Variants in TMC5 observed in about 807,000 individuals in gnomAD.
TMC5 encodes transmembrane channel like 5, also known as transmembrane channel-like protein 5.
A neutral mutation model predicts 110.5 loss-of-function variants in TMC5; 86 were observed. The ratio of observed to expected loss-of-function variants is 0.78; its 90% CI spans 0.65 to 0.93. The LOEUF is 0.93. Among genes scored for constraint, TMC5 ranks in the 40% least tolerant of loss-of-function variants. The probability of loss-of-function intolerance (pLI) is 0.00; values close to 1 mark genes in which losing one functional copy is unlikely to be tolerated. For missense variants in TMC5, 1,144 were observed against 1,222.8 expected (o/e 0.94, Z 0.96); for synonymous variants, 455 against 439.5 (o/e 1.04, Z -0.44).
Position 19,487,250 on chromosome 16 carries a change from A to G in TMC5, c.2497A>G (p.Met833Val), listed in dbSNP as rs777143609. The part of the protein sequence containing the change: ...PSKAWRASQM[M>V]TFFIFLLFFP... ...CAAAGCCTGGCGGGCCTCACAGATG[A>G]TGACTTTCTTCATCTTCTTGCTCTT... Residue 833 changes from methionine (M) to valine (V), a missense_variant, in exon 17 of 22, where the codon ATG becomes GTG. Physicochemically the swap from Met to Val is conservative, Grantham distance 21 (BLOSUM62 1). Transcript: ENST00000542583. The G allele has an allele frequency of 9.3e-6, 15 of 1,614,106 alleles. No individual in the cohort carries two copies. In the South Asian group the frequency reaches 1.6e-4, roughly 18 times the overall value.
At chr16:19,432,123 G>A (rs1291275625) in intron 2 of TMC5, among the ~76,000 whole-genome samples, 1 of 152,264 alleles carries the variant, frequency 6.6e-6, no homozygotes, top group East Asian at 1.9e-4. Flanking sequence ...CAGGTAAATA[G>A]CTTGACTGTG....
chr16:19,467,342 G>A (rs1049183179), intron 9 of TMC5, among the ~76,000 whole-genome samples: 1 of 151,954 alleles, frequency 6.6e-6, no homozygotes. Flanking sequence ...GCTTGTAGAC[G>A]GCCACTGTCT....
chr16:19,491,069 G>A (rs1015457490), intron 18 of TMC5, among the ~76,000 whole-genome samples: 6 of 150,412 alleles, frequency 4.0e-5, no homozygotes, highest in Non-Finnish European at 5.9e-5. Flanking sequence ...AGACTGTAGC[G>A]GCATGGTCAT....
At chr16:19,453,679 G>A (rs1967800161) in intron 5 of TMC5, among the ~76,000 whole-genome samples, 1 of 151,934 alleles carries the variant, frequency 6.6e-6, no homozygotes, top group African/African-American at 2.4e-5. Context: ...GAGATGGGAA[G>A]ATCCCTTGGG....
Position 19,440,072 on chromosome 16 carries a change from G to A in TMC5, c.34G>A (p.Glu12Lys). ...SAYYRNNWSE[E>K]DPDYPDYSGS... ...CTACTACAGGAATAACTGGTCTGAGGAAGACCCAGATTACCCTGACTATTC... is the reference window on the plus strand; with the variant it reads ...CTACTACAGGAATAACTGGTCTGAGAAAGACCCAGATTACCCTGACTATTC... Residue 12 changes from glutamate to lysine, a missense_variant, in exon 3 of 22, where the codon GAA becomes AAA. Coordinates refer to ENST00000542583, the MANE Select transcript of TMC5 (RefSeq NM_001261841.2). The A allele has an allele frequency of 6.2e-7, 1 of 1,613,998 alleles. No individual in the cohort carries two copies. The highest frequency in any genetic ancestry group is 1.3e-5 in the African/African-American group (1 of 74,998).
intron 4 of TMC5, 58 bp downstream of exon 4, chr16:19,444,308 A>G: frequency 6.6e-7 from 1 of 1,524,536 alleles, no homozygotes; most frequent in African/African-American, 1.4e-5. Context: ...CACTGGATTT[A>G]GGGGTGCAAT....
chr16:19,435,218 G>A (rs1379901524), intron 2 of TMC5, among the ~76,000 whole-genome samples: 2 of 151,890 alleles, frequency 1.3e-5, no homozygotes, highest in Non-Finnish European at 2.9e-5. Context: ...TAGGCCAGGC[G>A]CAGTGGCTCA....
chr16:19,473,950 A>T (rs1440151876), intron 11 of TMC5, among the ~76,000 whole-genome samples, 175 bp from the exon 12 acceptor site: 1 of 152,228 alleles, frequency 6.6e-6, no homozygotes, highest in African/African-American at 2.4e-5. Context: ...ACTGCAGTCC[A>T]GCCTGGGCAA....
At chr16:19,464,113 A>C in intron 8 of TMC5, 89 bp downstream of exon 8, 1,094 of 1,436,248 alleles carry the variant, frequency 7.6e-4, no homozygotes, top group Non-Finnish European at 9.5e-4. Context: ...CACACCTCTC[A>C]TTTTGCCTGG....
At chr16:19,410,762 G>C (rs1450273330) in exon 1 of TMC5, 3 of 152,470 alleles carry the variant, frequency 2.0e-5, no homozygotes, top group Non-Finnish European at 4.4e-5. Flanking sequence ...GCGGCAACAG[G>C]AGCGCCAGGA....
At chr16:19,439,061 G>T (rs1327390153) in intron 2 of TMC5, among the ~76,000 whole-genome samples, 1 of 152,260 alleles carries the variant, frequency 6.6e-6, no homozygotes, top group Admixed American at 6.5e-5. Flanking sequence ...TTGGTTGCCT[G>T]TGATTGGCCA....
chr16:19,435,565 A>T (rs934009688), intron 2 of TMC5, among the ~76,000 whole-genome samples: 3 of 150,640 alleles, frequency 2.0e-5, no homozygotes, highest in African/African-American at 7.3e-5. Context: ...TTAAGTGTGC[A>T]ACCTGATGGA....
chr16:19,452,684 A>G (rs1250108363), intron 5 of TMC5, among the ~76,000 whole-genome samples: 1 of 152,060 alleles, frequency 6.6e-6, no homozygotes, highest in Admixed American at 6.6e-5. Flanking sequence ...AGGGTGTATG[A>G]TCTCATACTA....
At chr16:19,415,168 G>A (rs1966870867), upstream of TMC5, among the ~76,000 whole-genome samples, 2 of 152,174 alleles carry the variant, frequency 1.3e-5, no homozygotes, top group South Asian at 4.1e-4. Flanking sequence ...ACAGTTTATA[G>A]GGCATATATG....
At chr16:19,453,566 G>C (rs1469719055) in intron 5 of TMC5, among the ~76,000 whole-genome samples, 2 of 150,984 alleles carry the variant, frequency 1.3e-5, no homozygotes, top group Non-Finnish European at 2.9e-5. Flanking sequence ...TCCAGCCTGG[G>C]CAACAGAATG....
chr16:19,432,651 G>C (rs540157285), intron 2 of TMC5, among the ~76,000 whole-genome samples: 1 of 152,262 alleles, frequency 6.6e-6, no homozygotes, highest in South Asian at 2.1e-4. Context: ...TTAGCTCTTT[G>C]TTTGTTTAGG....
chr16:19,467,354 C>T (rs951828954), intron 9 of TMC5, among the ~76,000 whole-genome samples: 2 of 152,150 alleles, frequency 1.3e-5, no homozygotes, highest in Non-Finnish European at 2.9e-5. Context: ...CCACTGTCTC[C>T]TGCCTGTGTC....
intron 4 of TMC5, 138 bp from the exon 5 acceptor site, chr16:19,449,404 G>A: frequency 1.5e-6 from 1 of 688,466 alleles, no homozygotes; most frequent in Middle Eastern, 2.5e-4. Context: ...TTAATCAGTA[G>A]TCTGTTAGAA....
chr16:19,427,741 C>T (rs1045085813), intron 1 of TMC5, among the ~76,000 whole-genome samples: 9 of 151,878 alleles, frequency 5.9e-5, no homozygotes, highest in Middle Eastern at 3.4e-3. Context: ...AATGTCACAC[C>T]CCCTGCTACA....
Sources: gnomAD v4.1 joint callset for allele counts (sites outside exome capture counted in the v4.1 genomes callset) on GRCh38, gnomAD v4.1.1 for gene constraint, MANE v1.5 for transcripts, NCBI Gene and HGNC (gene_info 2026-07-23, HGNC 2026-07-21) for gene names.